The following BPIFB4 variants were observed in gnomAD, a reference collection of about 807,000 sequenced individuals.
The protein encoded by BPIFB4 is BPI fold-containing family B member 4.
Under a neutral mutation model 69.2 loss-of-function variants are expected in BPIFB4, and 62 were observed. The observed-to-expected ratio is 0.90, with a 90% CI of 0.73 to 1.11. The LOEUF (loss-of-function observed/expected upper bound fraction) is 1.11, where lower values mean the gene tolerates loss of function less well. Among genes scored for constraint, BPIFB4 ranks in the 50% least tolerant of loss-of-function variants. The pLI, the probability that BPIFB4 is intolerant of heterozygous loss-of-function variation, is 0.00. For missense variants in BPIFB4, 789 were observed against 792.0 expected (o/e 1.00, Z 0.04); for synonymous variants, 330 against 332.7 (o/e 0.99, Z 0.09).
At position 33,102,963 on chromosome 20, in the gene BPIFB4, C is replaced by T. The variant is rs112381229; in HGVS notation, c.1638-9C>T. 494 of 1,613,904 alleles carry T rather than the reference C, an allele frequency of 3.1e-4. 4 individuals are homozygous for T. In the African/African-American group the frequency reaches 5.0e-3, roughly 16 times the overall value. On this transcript the variant is annotated splice_polypyrimidine_tract_variant and intron_variant, in intron 14 of 17. Transcript: ENST00000375483. ...CCTGCTTCTCACAGGCTGTTTTCTT[C>T]GTCTACAGGACCAGCCTCAACCTCA...
intron 2 of BPIFB4, among the ~76,000 whole-genome samples, chr20:33,080,811 A>G (rs1229526057): frequency 1.3e-5 from 2 of 152,028 alleles, no homozygotes; most frequent in Non-Finnish European, 2.9e-5. Context: ...GGATAGATGG[A>G]TGGGCAGGAG....
intron 14 of BPIFB4, among the ~76,000 whole-genome samples, chr20:33,101,674 TAGCTG>T (rs1981911981): frequency 6.6e-6 from 1 of 152,158 alleles, no homozygotes; most frequent in Non-Finnish European, 1.5e-5. Flanking sequence ...GCCTCCCAAG[TAGCTG>T]AGATTACAGG....
Position 33,111,575 on chromosome 20 carries a change from C to T in BPIFB4, c.*138C>T. 2 of 1,047,986 alleles carry T rather than the reference C, an allele frequency of 1.9e-6. No individual in the cohort carries two copies. The highest frequency in any genetic ancestry group is 2.9e-5 in the South Asian group (2 of 69,032). The allele number at this position is 1,047,986 out of a possible 1,614,324, so 64.9% of individuals were successfully genotyped here. On this transcript the variant is annotated 3_prime_UTR_variant, in exon 18 of 18. Transcript: ENST00000375483. ...CCTCCCTGGCCCCCCAACCCTCTTC[C>T]TCCCTTGCCCCAACCCTGAGAAAGG...
chr20:33,099,447 C>T (rs1431037745), intron 13 of BPIFB4, among the ~76,000 whole-genome samples: 1 of 152,194 alleles, frequency 6.6e-6, no homozygotes, highest in Non-Finnish European at 1.5e-5. Context: ...TGAGCCAGCC[C>T]AGCACCCTGC....
Position 33,109,863 on chromosome 20 carries a change from G to GT in BPIFB4, c.1822-1551_1822-1550insT, listed in dbSNP as rs1982185699. 7.9e-5 allele frequency among the ~76,000 whole-genome samples: 12 copies of GT among 152,264 alleles called. No individual in the cohort carries two copies. The South Asian group carries it at 2.3e-3, about 29-fold the overall frequency. On this transcript the variant is annotated intron_variant, in intron 17 of 17. Coordinates refer to ENST00000375483, the MANE Select transcript of BPIFB4 (RefSeq NM_182519.3). ...TAAAGAAAACCTCAGTCCCAGGCTTGACCCTGTAGGCCCCCTGTAAATGGC... is the reference window on the plus strand; with the variant it reads ...TAAAGAAAACCTCAGTCCCAGGCTTGTACCCTGTAGGCCCCCTGTAAATGGC...
intron 10 of BPIFB4, among the ~76,000 whole-genome samples, chr20:33,091,563 G>A (rs1981600626): frequency 1.3e-5 from 2 of 152,256 alleles, no homozygotes; most frequent in South Asian, 4.1e-4. Flanking sequence ...GTGCTCCCGT[G>A]TATACAGGCG....
chr20:33,085,640 G>A (rs1389784572), intron 6 of BPIFB4, among the ~76,000 whole-genome samples: 1 of 152,202 alleles, frequency 6.6e-6, no homozygotes, highest in East Asian at 1.9e-4. Context: ...CGTAAGTGGG[G>A]AAAGGCAAGC....
At chr20:33,094,798 G>A (rs990831583) in intron 11 of BPIFB4, among the ~76,000 whole-genome samples, 2 of 152,116 alleles carry the variant, frequency 1.3e-5, no homozygotes, top group South Asian at 2.1e-4. Context: ...ATGAGCCACC[G>A]TTCTCGCCCA....
At chr20:33,097,811 G>T in intron 13 of BPIFB4, 24 bp downstream of exon 13, 1 of 1,586,556 alleles carries the variant, frequency 6.3e-7, no homozygotes, top group South Asian at 1.1e-5. Context: ...GGTACTGGTG[G>T]CCTCCAGCTG....
intron 13 of BPIFB4, among the ~76,000 whole-genome samples, chr20:33,100,041 C>T (rs909496908): frequency 6.6e-6 from 1 of 151,998 alleles, no homozygotes; most frequent in African/African-American, 2.4e-5. Flanking sequence ...TCATAGGCTA[C>T]GAGCCACTCC....
Position 33,097,090 on chromosome 20 carries a change from C to T in BPIFB4, c.1399-527C>T, listed in dbSNP as rs148490612. On this transcript the variant is annotated intron_variant, in intron 12 of 17. Coordinates refer to ENST00000375483, the MANE Select transcript of BPIFB4 (RefSeq NM_182519.3). ...GGACCTCCCTGTGGGATTCCCCAGG[C>T]GTGGACTTCTCATTTCAGGAACAGT... Among the ~76,000 whole-genome samples the T allele has an allele frequency of 6.4e-3, 970 of 152,176 alleles. 7 individuals carry two copies. Among genetic ancestry groups the T allele is most frequent in the African/African-American group, 0.022 (896 of 41,510 alleles).
Position 33,095,827 on chromosome 20 carries a change from A to T in BPIFB4, c.1398+674A>T, listed in dbSNP as rs76480840. On this transcript the variant is annotated intron_variant, in intron 12 of 17. Transcript: ENST00000375483. ...ATAATTACACATTACTTCTTTTTTT[A>T]AAAAAAAGCAAGTGTGCTTTTGTCC... 2.6e-3 allele frequency among the ~76,000 whole-genome samples: 402 copies of T among 151,958 alleles called. 10 individuals carry two copies. In the East Asian group the frequency reaches 0.054, roughly 20 times the overall value.
chr20:33,093,158 AC>A (rs1258698630), intron 11 of BPIFB4, among the ~76,000 whole-genome samples: 1 of 152,136 alleles, frequency 6.6e-6, no homozygotes, highest in Non-Finnish European at 1.5e-5. Context: ...ACTTAGATCC[AC>A]TAGTTAAAAT....
intron 13 of BPIFB4, among the ~76,000 whole-genome samples, chr20:33,099,696 A>G (rs1413866004): frequency 2.0e-5 from 3 of 151,996 alleles, no homozygotes; most frequent in Admixed American, 6.6e-5. Flanking sequence ...CATACCCTTC[A>G]GTCCTCAGTC....
chr20:33,083,398 T>C lies in BPIFB4; in HGVS notation c.201T>C (p.His67=). The change falls in exon 5 of 18, where the codon CAT becomes CAC. Residue 67 remains histidine (H), a synonymous_variant. Transcript: ENST00000375483. ...GVGDIPYNDF[H]VRGPPPVYTN... is the part of the protein sequence containing the mutation. ...GTGATATTCCCTACAATGACTTCCA[T>C]GTCCGAGGACCCCCCCCAGTATATA... is the stretch of plus-strand genomic sequence containing the variant. The C allele has an allele frequency of 6.2e-7, 1 of 1,613,382 alleles. No individual in the cohort carries two copies. Among genetic ancestry groups the C allele is most frequent in the Non-Finnish European group, 8.5e-7 (1 of 1,179,628 alleles).
chr20:33,089,450 C>T (rs1981531788), intron 8 of BPIFB4, 48 bp from the exon 9 acceptor site: 2 of 1,613,992 alleles, frequency 1.2e-6, no homozygotes, highest in African/African-American at 2.7e-5. Context: ...TCCCTTGCTC[C>T]TACTCCCTGC....
chr20:33,104,752 G>A, intron 15 of BPIFB4, 58 bp from the exon 16 acceptor site: 2 of 1,537,894 alleles, frequency 1.3e-6, no homozygotes, highest in Non-Finnish European at 9.0e-7. Context: ...GACCCAAGGG[G>A]CCCTCTGGAG....
At chr20:33,103,593 C>A (rs1981964251) in intron 15 of BPIFB4, among the ~76,000 whole-genome samples, 1 of 151,130 alleles carries the variant, frequency 6.6e-6, no homozygotes, top group Non-Finnish European at 1.5e-5. Flanking sequence ...CCCACCCCCA[C>A]CTAAGGCTTC....
At chr20:33,089,348 C>T in intron 8 of BPIFB4, 150 bp from the exon 9 acceptor site, 1 of 1,300,704 alleles carries the variant, frequency 7.7e-7, no homozygotes, top group Non-Finnish European at 1.1e-6. Context: ...GAATTAGAGA[C>T]AGCCTTCCCC....
Sources: allele counts gnomAD v4.1 joint callset (sites outside exome capture counted in the v4.1 genomes callset), GRCh38; gene constraint gnomAD v4.1.1; transcripts MANE v1.5; gene names NCBI Gene and HGNC (gene_info 2026-07-23, HGNC 2026-07-21).